The following PDLIM7 variants were observed in gnomAD, a reference collection of about 807,000 sequenced individuals.
PDLIM7 encodes the protein PDZ and LIM domain 7.
A neutral mutation model predicts 53.9 loss-of-function variants in PDLIM7; 37 were observed. The ratio of observed to expected loss-of-function variants is 0.69; its 90% CI spans 0.53 to 0.90. The LOEUF (loss-of-function observed/expected upper bound fraction) is 0.90, where lower values mean the gene tolerates loss of function less well. PDLIM7 is among the 40% of genes least tolerant of loss of function. The pLI, the probability that PDLIM7 is intolerant of heterozygous loss-of-function variation, is 0.00. For synonymous variants in PDLIM7, 300 were observed against 261.3 expected (o/e 1.15, Z -1.43); for missense variants, 617 against 638.5 (o/e 0.97, Z 0.36).
At position 177,490,651 on chromosome 5, in the gene PDLIM7, C is replaced by T. The variant is rs1028820885; in HGVS notation, c.572+219G>A. ...GAAGGAAGGAGAGATGGAAGGGAGG[C>T]AGGGAGGGAGGAGGGAAGGAAGGAG... On this transcript the variant is annotated intron_variant, in intron 7 of 12. Transcript: ENST00000355841. 1.8e-5 allele frequency: 21 copies of T among 1,153,840 alleles called. No individual in the cohort carries two copies. In the African/African-American group the frequency reaches 3.6e-4, roughly 20 times the overall value. The allele number at this position is 1,153,840 out of a possible 1,614,324, so 71.5% of individuals were successfully genotyped here.
chr5:177,488,036 G>A, intron 10 of PDLIM7, 32 bp downstream of exon 10: 3 of 1,552,568 alleles, frequency 1.9e-6, no homozygotes, highest in South Asian at 2.4e-5. Context: ...GACAGGCTTG[G>A]GACCACCTCC....
At chr5:177,491,423 G>A (rs1230361178) in intron 5 of PDLIM7, 4 of 1,550,424 alleles carry the variant, frequency 2.6e-6, no homozygotes, top group African/African-American at 1.4e-5. Flanking sequence ...GTCTGCACCT[G>A]TGAAGGAAAT....
chr5:177,487,440 T>C (rs1758520856), intron 10 of PDLIM7, among the ~76,000 whole-genome samples: 1 of 152,230 alleles, frequency 6.6e-6, no homozygotes, highest in South Asian at 2.1e-4. Flanking sequence ...TCCTTCCGAC[T>C]TCCTGCTGGC....
intron 4 of PDLIM7, 92 bp downstream of exon 4, chr5:177,492,313 T>C (rs1049393579): frequency 8.7e-6 from 13 of 1,486,418 alleles, no homozygotes; most frequent in African/African-American, 2.8e-5. Context: ...CGGCCAGGGA[T>C]TGGGGTACCG....
intron 2 of PDLIM7, chr5:177,494,943 T>C (rs1266245632): frequency 6.6e-6 from 1 of 152,166 alleles, no homozygotes; most frequent in Non-Finnish European, 1.5e-5. Flanking sequence ...CACCCACCCA[T>C]GTGGGCCCAG....
At chr5:177,484,468 T>G in intron 10 of PDLIM7, 2 of 402,840 alleles carry the variant, frequency 5.0e-6, no homozygotes. Context: ...GGCAACTCCA[T>G]TCTCCTGTCT....
In PDLIM7 at chr5:177,489,479, A is replaced by G. The variant is rs932146712; in HGVS notation, c.783T>C (p.Ile261=). The G allele has an allele frequency of 2.5e-6, 4 of 1,606,992 alleles. No homozygotes were observed. Among genetic ancestry groups the G allele is most frequent in the Admixed American group, 3.4e-5 (2 of 59,060 alleles). Residue 261 remains isoleucine, a synonymous_variant, in exon 9 of 13, where the codon ATT becomes ATC. Coordinates refer to ENST00000355841, the MANE Select transcript of PDLIM7 (RefSeq NM_005451.5). ...GCACCCCTCCGGCAGCTGCCTGCAC[A>G]ATGGAGGTGCGGCTCTGCAGCGGCG... ...TPTPLQSRTS[I]VQAAAGGVPG...
At position 177,491,046 on chromosome 5, in the gene PDLIM7, A is replaced by G. The variant is rs1232495475; in HGVS notation, c.499T>C (p.Phe167Leu). The change falls in exon 6 of 13, where the codon TTC becomes CTC. Residue 167 changes from phenylalanine (F) to leucine (L), a missense_variant. Transcript: ENST00000355841. ...CCTGTGAGGTGGGCAAGGATGCGGA[A>G]GGAACGCGACTGGCCTGTCCCCGGC... ...PRPGTGQSRS[F>L]RILAHLTGTE... is the part of the protein sequence containing the mutation. 3.1e-6 allele frequency: 5 copies of G among 1,612,700 alleles called. No individual in the cohort carries two copies. The highest frequency in any genetic ancestry group is 4.2e-6 in the Non-Finnish European group (5 of 1,179,482).
Position 177,491,884 on chromosome 5 carries a change from T to G in PDLIM7, c.321A>C (p.Ala107=). ...CCGTCTTGTTGAGGGAGACGCTGGG[T>G]GCAAAGGTGTACCGCGGAGGGTCCG... is the stretch of plus-strand genomic sequence containing the variant. ...PAADPPRYTF[A]PSVSLNKTAR... The change falls in exon 5 of 13, where the codon GCA becomes GCC. Residue 107 remains alanine, a synonymous_variant. Transcript: ENST00000355841. 8.0e-7 allele frequency: 1 copy of G among 1,247,448 alleles called. No homozygotes were observed. Among genetic ancestry groups the G allele is most frequent in the Non-Finnish European group, 1.0e-6 (1 of 994,922 alleles). The allele number at this position is 1,247,448 out of a possible 1,614,324, so 77.3% of individuals were successfully genotyped here.
intron 2 of PDLIM7, among the ~76,000 whole-genome samples, chr5:177,494,595 T>C (rs1758970733): frequency 6.8e-6 from 1 of 146,188 alleles, no homozygotes; most frequent in Non-Finnish European, 1.5e-5. Context: ...CTTCCCAGAG[T>C]GAGGAGGGCA....
intron 2 of PDLIM7, among the ~76,000 whole-genome samples, chr5:177,493,656 G>C (rs1186277615): frequency 6.6e-6 from 1 of 152,220 alleles, no homozygotes; most frequent in African/African-American, 2.4e-5. Context: ...CTGAGAGGGT[G>C]ACCCTGATAA....
Position 177,491,060 on chromosome 5 carries a change from C to A in PDLIM7, c.485G>T (p.Gly162Val), listed in dbSNP as rs201546364. ...TEDWRPRPGT[G>V]QSRSFRILAH... ...AAGGATGCGGAAGGAACGCGACTGG[C>A]CTGTCCCCGGCCGCGGCCGCCAGTC... The change falls in exon 6 of 13, where the codon GGC becomes GTC. Residue 162 changes from glycine to valine, a missense_variant. Coordinates refer to ENST00000355841, the MANE Select transcript of PDLIM7 (RefSeq NM_005451.5). The A allele has an allele frequency of 2.7e-5, 43 of 1,611,492 alleles. No individual in the cohort carries two copies. Among genetic ancestry groups the A allele is most frequent in the Non-Finnish European group, 3.4e-5 (40 of 1,179,054 alleles).
At position 177,491,901 on chromosome 5, in the gene PDLIM7, G is replaced by T; in HGVS notation, c.304C>A (p.Pro102Thr). ...QKASAPAADP[P>T]RYTFAPSVSL... ...ACGCTGGGTGCAAAGGTGTACCGCG[G>T]AGGGTCCGCGGCGGGGGCGGAGGCC... The change falls in exon 5 of 13, where the codon CCG becomes ACG. Residue 102 changes from proline to threonine, a missense_variant. Transcript: ENST00000355841. 1.6e-6 allele frequency: 2 copies of T among 1,288,158 alleles called. No homozygotes were observed. Among genetic ancestry groups the T allele is most frequent in the South Asian group, 6.1e-5 (2 of 32,976 alleles). 79.8% of individuals were successfully genotyped at this position (1,288,158 alleles called of 1,614,324 possible).
chr5:177,486,803 T>C (rs1190657279), intron 10 of PDLIM7, among the ~76,000 whole-genome samples: 2 of 150,708 alleles, frequency 1.3e-5, no homozygotes, highest in African/African-American at 4.9e-5. Context: ...GCCAATTTTT[T>C]TGTATTTTTA....
intron 5 of PDLIM7, 150 bp downstream of exon 5, chr5:177,491,657 G>A (rs999115150): frequency 1.8e-5 from 11 of 611,560 alleles, no homozygotes; most frequent in Non-Finnish European, 3.1e-5. Flanking sequence ...GAGGGGCCCT[G>A]TGCCTGCAGC....
rs761012339 is a variant in PDLIM7, at chr5:177,484,181, G to A, written c.1060C>T (p.His354Tyr). 3.7e-6 allele frequency: 6 copies of A among 1,613,452 alleles called. No individual in the cohort carries two copies. The highest frequency in any genetic ancestry group is 1.1e-5 in the South Asian group (1 of 91,088). Residue 354 changes from histidine to tyrosine, a missense_variant, in exon 11 of 13, where the codon CAC (histidine) becomes TAC (tyrosine). His to Tyr is a moderately conservative substitution (Grantham distance 83). Transcript: ENST00000355841. ...CKKKITGEIM[H>Y]ALKMTWHVHC... Reference sequence around the variant, plus strand: ...ACGTGCCAGGTCATCTTCAGGGCGTGCATGATCTCCTGGAAGGAGGTCCCA... The same window carrying A: ...ACGTGCCAGGTCATCTTCAGGGCGTACATGATCTCCTGGAAGGAGGTCCCA...
intron 2 of PDLIM7, 139 bp downstream of exon 2, chr5:177,496,278 A>C: frequency 1.7e-6 from 1 of 572,736 alleles, no homozygotes; most frequent in Non-Finnish European, 2.9e-6. Flanking sequence ...GCAGGCAGGT[A>C]CCACTACATC....
rs1459895628 is a variant in PDLIM7, at chr5:177,492,442, G to A, written c.249-7C>T. ...GCTCTGAACCGGCTGGGCCCTGGAG[G>A]AGAAGGAAAGCGTGACAGCGGGCCG... On this transcript the variant is annotated splice_region_variant and splice_polypyrimidine_tract_variant and intron_variant, in intron 3 of 12. Coordinates refer to ENST00000355841, the MANE Select transcript of PDLIM7 (RefSeq NM_005451.5). The A allele has an allele frequency of 1.2e-6, 2 of 1,613,578 alleles. No homozygotes were observed. Among genetic ancestry groups the A allele is most frequent in the East Asian group, 2.2e-5 (1 of 44,876 alleles).
At chr5:177,496,677 G>T (rs1325788727) in intron 1 of PDLIM7, 154 bp from the exon 2 acceptor site, 2 of 463,018 alleles carry the variant, frequency 4.3e-6, no homozygotes, top group Non-Finnish European at 7.6e-6. Flanking sequence ...ATTTTGTCAG[G>T]CTGGCCTGGG....
Sources: gnomAD v4.1 joint callset for allele counts (sites outside exome capture counted in the v4.1 genomes callset) on GRCh38, gnomAD v4.1.1 for gene constraint, MANE v1.5 for transcripts, NCBI Gene and HGNC (gene_info 2026-07-23, HGNC 2026-07-21) for gene names.